Variants in GRM4 observed in about 807,000 individuals in gnomAD.
GRM4 encodes metabotropic glutamate receptor 4.
GRM4 carries 28 observed loss-of-function variants against 81.7 expected under a neutral mutation model. That is an observed-to-expected ratio of 0.34 (90% CI 0.25 to 0.47). The LOEUF is 0.47. GRM4 is among the 20% of genes least tolerant of loss of function. The probability of loss-of-function intolerance (pLI) is 1.00; values close to 1 mark genes in which losing one functional copy is unlikely to be tolerated. For synonymous variants in GRM4, 488 were observed against 528.8 expected, an observed-to-expected ratio of 0.92 and a Z score of 1.06; for missense variants, 948 against 1,290.0, an observed-to-expected ratio of 0.73 and a Z score of 4.06.
chr6:34,022,895 C>A lies in GRM4; in HGVS notation c.2690-25G>T, dbSNP rs779510653. Reference sequence around the variant, plus strand: ...GCTGGAAGGAGAGAGACCAGGGGTACCCAGGAGTCAGGGGCTGCTTTTCTC... The same window carrying A: ...GCTGGAAGGAGAGAGACCAGGGGTAACCAGGAGTCAGGGGCTGCTTTTCTC... On this transcript the variant is annotated intron_variant, in intron 10 of 10. Transcript: ENST00000538487. This position sits in a 1 kb window ranked among gnomAD's most constrained non-coding sequence, Gnocchi z 5.6. 6.2e-7 allele frequency: 1 copy of A among 1,604,586 alleles called. No individual in the cohort carries two copies. Among genetic ancestry groups the A allele is most frequent in the South Asian group, 1.1e-5 (1 of 90,912 alleles).
intron 3 of GRM4, among the ~76,000 whole-genome samples, chr6:34,067,141 C>T (rs1267418120): frequency 1.3e-5 from 2 of 152,178 alleles, no homozygotes; most frequent in Non-Finnish European, 2.9e-5. Context: ...CAGGCATCCC[C>T]ACGTGAACAT....
At chr6:34,099,032 GAC>G (rs1768692381) in intron 2 of GRM4, among the ~76,000 whole-genome samples, 1 of 152,206 alleles carries the variant, frequency 6.6e-6, no homozygotes, top group African/African-American at 2.4e-5. Flanking sequence ...AGGTGCTGAG[GAC>G]ACAGATTTAA....
intron 9 of GRM4, among the ~76,000 whole-genome samples, chr6:34,031,943 T>C (rs898393091): frequency 6.6e-6 from 1 of 151,790 alleles, no homozygotes; most frequent in Non-Finnish European, 1.5e-5. Flanking sequence ...TGCATCTGAC[T>C]CAGCTGGGCT....
rs146338265 is a variant in GRM4, at chr6:34,036,073, G to C, written c.2037C>G (p.Arg679=). ...ALLTKTNRIY[R]IFEQGKRSVS... ...CCGAGCGCTTGCCCTGCTCGAAGAT[G>C]CGGTAGATGCGGTTGGTCTTGGTGA... Residue 679 remains arginine (R), a synonymous_variant, in exon 9 of 11, where the codon CGC becomes CGG. Coordinates refer to ENST00000538487, the MANE Select transcript of GRM4 (RefSeq NM_000841.4). The surrounding 1 kb of genome is among the most constrained non-coding windows in gnomAD (Gnocchi z 9.0). The C allele has an allele frequency of 2.7e-4, 442 of 1,614,218 alleles. 1 individual carries two copies. In the African/African-American group the frequency reaches 4.1e-3, roughly 15 times the overall value.
At position 34,020,933 on chromosome 6, in the gene GRM4, T is replaced by C. The variant is rs1402147083; in HGVS notation, c.*1888A>G. ...CTCCAGTCCCTTCCACTGTGCTCCA[T>C]AGCGCTGTCAGCTAGCCTGGAGGTG... On this transcript the variant is annotated 3_prime_UTR_variant, in exon 11 of 11. Transcript: ENST00000538487. 1 of 152,490 alleles carries C rather than the reference T, an allele frequency of 6.6e-6. No homozygotes were observed. The allele number at this position is 152,490 out of a possible 1,614,324, so 9.4% of individuals were successfully genotyped here. A position where few individuals can be genotyped will look rare whatever the true frequency, so the allele number is the denominator to read the frequency against.
At chr6:34,073,189 A>C (rs1380330119) in intron 3 of GRM4, among the ~76,000 whole-genome samples, 2 of 9,656 alleles carry the variant, frequency 2.1e-4, no homozygotes, top group South Asian at 5.5e-3. Context: ...ACAAATACAC[A>C]TTACACAAAC....
rs574775698 is a variant in GRM4, at chr6:34,088,399, G to A, written c.736+3484C>T. ...GGCCTCCCAAAGTGCTGGGATTACAGGTGTGAGCCACCGTACCCGACCACA... is the reference window on the plus strand; with the variant it reads ...GGCCTCCCAAAGTGCTGGGATTACAAGTGTGAGCCACCGTACCCGACCACA... On this transcript the variant is annotated intron_variant, in intron 3 of 10. Transcript: ENST00000538487. Among the ~76,000 whole-genome samples the A allele has an allele frequency of 3.9e-5, 6 of 152,316 alleles. No homozygotes were observed. The South Asian group carries it at 6.2e-4, about 16-fold the overall frequency.
chr6:34,141,024 G>A (rs568484425), intron 1 of GRM4, among the ~76,000 whole-genome samples: 132 of 152,346 alleles, frequency 8.7e-4, no homozygotes, highest in Admixed American at 4.2e-3. Context: ...TAGGAATCAG[G>A]TCGAGTCTCC....
intron 7 of GRM4, 83 bp downstream of exon 7, chr6:34,040,465 C>G: frequency 1.4e-6 from 2 of 1,447,072 alleles, no homozygotes; most frequent in South Asian, 2.4e-5. Context: ...CTCCCATTCC[C>G]ACCCCACAGA....
At chr6:34,024,811 T>C (rs998014007) in intron 10 of GRM4, 2 of 452,388 alleles carry the variant, frequency 4.4e-6, no homozygotes, top group African/African-American at 2.0e-5. Context: ...CAGGTGCCAA[T>C]GGAAGAAAAT....
chr6:34,038,405 C>A (rs1764825112), intron 8 of GRM4, among the ~76,000 whole-genome samples: 1 of 152,226 alleles, frequency 6.6e-6, no homozygotes, highest in African/African-American at 2.4e-5. Flanking sequence ...ATTGTGTTAA[C>A]TTCCCTGCTG....
At chr6:34,116,377 C>A (rs1769600100) in intron 2 of GRM4, among the ~76,000 whole-genome samples, 1 of 152,112 alleles carries the variant, frequency 6.6e-6, no homozygotes, top group Non-Finnish European at 1.5e-5. Flanking sequence ...CACATAAATC[C>A]AACCATTCAT....
intron 3 of GRM4, among the ~76,000 whole-genome samples, chr6:34,084,423 G>A (rs1767770158): frequency 6.6e-6 from 1 of 152,108 alleles, no homozygotes; most frequent in Non-Finnish European, 1.5e-5. Context: ...GCTTCCCAGG[G>A]AGCCTGGGGG....
At chr6:34,143,820 G>T (rs1458891133) in intron 1 of GRM4, among the ~76,000 whole-genome samples, 3 of 152,180 alleles carry the variant, frequency 2.0e-5, no homozygotes, top group Non-Finnish European at 4.4e-5. Flanking sequence ...TGGAGACCCT[G>T]GGAGCACTGG....
chr6:34,138,925 T>C (rs924971791), intron 1 of GRM4, among the ~76,000 whole-genome samples: 1 of 152,202 alleles, frequency 6.6e-6, no homozygotes, highest in Non-Finnish European at 1.5e-5. Flanking sequence ...CTGATTCTAA[T>C]GGTGGAATGT....
chr6:34,031,969 T>A (rs762821311), intron 9 of GRM4, among the ~76,000 whole-genome samples: 16 of 150,416 alleles, frequency 1.1e-4, no homozygotes, highest in South Asian at 2.1e-4. Flanking sequence ...TCTCTCTCTC[T>A]CACACACACA....
intron 1 of GRM4, among the ~76,000 whole-genome samples, chr6:34,142,421 G>A (rs1770729936): frequency 6.6e-6 from 1 of 152,184 alleles, no homozygotes; most frequent in South Asian, 2.1e-4. Flanking sequence ...ATATCTTGGG[G>A]TGGGTGGTAA....
chr6:34,154,945 C>T, intron 1 of GRM4: 2 of 667,698 alleles, frequency 3.0e-6, no homozygotes, highest in Non-Finnish European at 4.5e-6. Flanking sequence ...GGCCGAACGC[C>T]CTCATTGCAC....
In GRM4 at chr6:34,021,057, A is replaced by C. The variant is rs1408391029; in HGVS notation, c.*1764T>G. On this transcript the variant is annotated 3_prime_UTR_variant, in exon 11 of 11. Coordinates refer to ENST00000538487, the MANE Select transcript of GRM4 (RefSeq NM_000841.4). This position sits in a 1 kb window ranked among gnomAD's most constrained non-coding sequence, Gnocchi z 5.3. The stretch of plus-strand genomic sequence containing the variant: ...GGCCTCATTGTGTTTCTGGCTCTAT[A>C]ATTTACCCCAGCCAGAGCCCAGCCC... The C allele has an allele frequency of 6.6e-6, 1 of 151,874 alleles. No homozygotes were observed. The highest frequency in any genetic ancestry group is 2.4e-5 in the African/African-American group (1 of 41,306). 9.4% of individuals were successfully genotyped at this position (151,874 alleles called of 1,614,324 possible). A position where few individuals can be genotyped will look rare whatever the true frequency, so the allele number is the denominator to read the frequency against.
Sources: gnomAD v4.1 joint callset for allele counts (sites outside exome capture counted in the v4.1 genomes callset) on GRCh38, gnomAD v4.1.1 for gene constraint, Gnocchi (gnomAD v3.1) non-coding constraint, MANE v1.5 for transcripts, NCBI Gene and HGNC (gene_info 2026-07-23, HGNC 2026-07-21) for gene names.